Variants in IQSEC1 observed in about 807,000 individuals in gnomAD.
The protein encoded by IQSEC1 is IQ motif and Sec7 domain ArfGEF 1, also known as IQ motif and SEC7 domain-containing protein 1.
Under a neutral mutation model 91.0 loss-of-function variants are expected in IQSEC1, and 31 were observed. That is an observed-to-expected ratio of 0.34 (90% CI 0.26 to 0.46). The LOEUF (loss-of-function observed/expected upper bound fraction) is 0.46, where lower values mean the gene tolerates loss of function less well. Among genes scored for constraint, IQSEC1 ranks in the 20% least tolerant of loss-of-function variants. The pLI is 1.00. For synonymous variants in IQSEC1, 699 were observed against 662.6 expected (o/e 1.05, Z -0.84); for missense variants, 1,388 against 1,575.6 (o/e 0.88, Z 2.02).
At position 12,901,512 on chromosome 3, in the gene IQSEC1, A is replaced by T; in HGVS notation, c.2816T>A (p.Ile939Asn). ...TCTCCGGCGCATGTGAGGACTGCTA[A>T]TGATGGACCCCTAAAAAGGAAATTC... is the stretch of plus-strand genomic sequence containing the variant. ...SLESNVEGSI[I>N]SSPHMRRRAT... Residue 939 changes from isoleucine (I) to asparagine (N), a missense_variant, in exon 14 of 14, where the codon ATT becomes AAT. This residue lies in a region of IQSEC1 where 329 missense variants were observed against 257.8 expected (regional missense o/e 1.28). Transcript: ENST00000613206. 2 of 1,549,388 alleles carry T rather than the reference A, an allele frequency of 1.3e-6. No individual in the cohort carries two copies. Among genetic ancestry groups the T allele is most frequent in the Non-Finnish European group, 1.7e-6 (2 of 1,146,480 alleles).
intron 2 of IQSEC1, among the ~76,000 whole-genome samples, chr3:13,085,436 G>T (rs111806265): frequency 7.1e-4 from 108 of 152,196 alleles, no homozygotes; most frequent in African/African-American, 2.2e-3. Flanking sequence ...CCTTCAGTGC[G>T]TAGGGTCACC....
At chr3:13,041,116 G>T (rs1435682067) in intron 1 of IQSEC1, among the ~76,000 whole-genome samples, 4 of 152,096 alleles carry the variant, frequency 2.6e-5, no homozygotes, top group African/African-American at 9.7e-5. Flanking sequence ...TTTGCAGGAG[G>T]GATGAGGATG....
chr3:12,953,629 G>A (rs1274059922), intron 1 of IQSEC1, among the ~76,000 whole-genome samples: 1 of 152,228 alleles, frequency 6.6e-6, no homozygotes, highest in Non-Finnish European at 1.5e-5. Flanking sequence ...ACGGCACGAG[G>A]AGTCGGGCAG....
intron 2 of IQSEC1, among the ~76,000 whole-genome samples, chr3:13,144,861 C>T (rs749982926): frequency 2.6e-5 from 4 of 152,214 alleles, no homozygotes; most frequent in Admixed American, 2.0e-4. Context: ...CTGGAAGCAG[C>T]GCTTGGGCCG....
chr3:13,056,770 TC>T (rs1559241239), intron 1 of IQSEC1, among the ~76,000 whole-genome samples: 2 of 152,120 alleles, frequency 1.3e-5, no homozygotes, highest in African/African-American at 4.8e-5. Flanking sequence ...CCACTGGAAG[TC>T]CTTAGGATAT....
In IQSEC1 at chr3:13,216,946, G is replaced by A. The variant is rs574327046; in HGVS notation, c.273-52813C>T. On this transcript the variant is annotated intron_variant, in intron 1 of 15. Transcript: ENST00000648114. ...GGCATAGGACACAGCATATCACGAC[G>A]CAGGCAAGGTGAACACACTGCAAAA... Among the ~76,000 whole-genome samples the A allele has an allele frequency of 3.3e-5, 5 of 152,266 alleles. No homozygotes were observed. In the East Asian group the frequency reaches 7.7e-4, roughly 23 times the overall value.
intron 6 of IQSEC1, among the ~76,000 whole-genome samples, chr3:12,917,653 G>A (rs924561316): frequency 2.0e-5 from 3 of 152,134 alleles, no homozygotes; most frequent in Admixed American, 6.5e-5. Flanking sequence ...GCTCAAGGAC[G>A]TCTGGTGGTT....
intron 1 of IQSEC1, among the ~76,000 whole-genome samples, chr3:13,263,439 G>GGGGGAT (rs1553581065): frequency 9.3e-6 from 1 of 107,190 alleles, no homozygotes; most frequent in African/African-American, 3.1e-5. Flanking sequence ...GGGGGGGGGG[G>GGGGGAT]AAAGTACCTG....
chr3:13,179,774 C>G (rs919403569), intron 1 of IQSEC1, among the ~76,000 whole-genome samples: 3 of 152,238 alleles, frequency 2.0e-5, no homozygotes, highest in African/African-American at 7.2e-5. Context: ...CGGGCGGGAA[C>G]CGGGGCTATG....
rs190554004 is a variant in IQSEC1, at chr3:12,919,458, G to A, written c.2020+972C>T. Among the ~76,000 whole-genome samples the A allele has an allele frequency of 2.1e-4, 32 of 152,288 alleles. 1 individual carries two copies. Among genetic ancestry groups the A allele is most frequent in the African/African-American group, 6.0e-4 (25 of 41,564 alleles). ...TGGGTTTCCTGCCACAGCGGCACCCGCCACCAGGGGAAGGGGAGGGCACCT... is the reference window on the plus strand; with the variant it reads ...TGGGTTTCCTGCCACAGCGGCACCCACCACCAGGGGAAGGGGAGGGCACCT... On this transcript the variant is annotated intron_variant, in intron 6 of 13. Transcript: ENST00000613206.
rs913603059 is a variant in IQSEC1, at chr3:13,255,617, G to GT, written c.272+27093dup. 1.3e-3 allele frequency among the ~76,000 whole-genome samples: 168 copies of GT among 130,948 alleles called. 1 individual carries two copies. In the East Asian group the frequency reaches 0.021, roughly 16 times the overall value. The allele number at this position is 130,948 out of a possible 152,430, so 85.9% of individuals were successfully genotyped here. A position where few individuals can be genotyped will look rare whatever the true frequency, so the allele number is the denominator to read the frequency against. On this transcript the variant is annotated intron_variant, in intron 1 of 15. Coordinates refer to the IQSEC1 transcript ENST00000648114. ...GGAAAAGGGCTTACAGTGTTTTGGGGTTTTTTTTTTGTTCTTAGAGACAGG... is the reference window on the plus strand; with the variant it reads ...GGAAAAGGGCTTACAGTGTTTTGGGGTTTTTTTTTTTGTTCTTAGAGACAGG...
chr3:13,256,959 T>C (rs1470624814), intron 1 of IQSEC1, among the ~76,000 whole-genome samples: 1 of 152,180 alleles, frequency 6.6e-6, no homozygotes, highest in African/African-American at 2.4e-5. Flanking sequence ...CTCTGCCCCA[T>C]ATCCCAGCCA....
intron 1 of IQSEC1, among the ~76,000 whole-genome samples, chr3:12,977,352 G>GA (rs5846795): frequency 2.1e-3 from 309 of 145,030 alleles, no homozygotes; most frequent in African/African-American, 7.2e-3. Context: ...TGTCTCCAGG[G>GA]AAAAAAAAAA....
At chr3:13,004,807 G>A (rs1394108768) in intron 1 of IQSEC1, among the ~76,000 whole-genome samples, 2 of 152,054 alleles carry the variant, frequency 1.3e-5, no homozygotes, top group Non-Finnish European at 2.9e-5. Flanking sequence ...CCCAGCATCG[G>A]GCCAGCCACA....
intron 1 of IQSEC1, among the ~76,000 whole-genome samples, chr3:13,189,596 A>T (rs889494653): frequency 1.3e-5 from 2 of 152,216 alleles, no homozygotes; most frequent in African/African-American, 4.8e-5. Context: ...TGACAGCAGA[A>T]CATAAGTCTC....
chr3:13,039,375 A>T (rs1290865444), intron 1 of IQSEC1, among the ~76,000 whole-genome samples: 1 of 152,236 alleles, frequency 6.6e-6, no homozygotes, highest in Non-Finnish European at 1.5e-5. Context: ...AACAGCTTTG[A>T]GGGAGCCTGG....
At chr3:13,181,311 G>A (rs1693841684) in intron 1 of IQSEC1, among the ~76,000 whole-genome samples, 2 of 151,856 alleles carry the variant, frequency 1.3e-5, no homozygotes, top group South Asian at 2.1e-4. Context: ...AATATATGAA[G>A]CAAAAACTAG....
At chr3:13,052,213 C>T (rs535079404) in intron 1 of IQSEC1, among the ~76,000 whole-genome samples, 7 of 152,216 alleles carry the variant, frequency 4.6e-5, no homozygotes, top group Non-Finnish European at 8.8e-5. Context: ...CCTCTTCCCA[C>T]CAGCCCTTAT....
At chr3:13,058,027 C>T (rs752132055) in intron 1 of IQSEC1, among the ~76,000 whole-genome samples, 11 of 152,254 alleles carry the variant, frequency 7.2e-5, no homozygotes, top group Non-Finnish European at 1.5e-4. Context: ...AATCCCCATA[C>T]TTTGGGAGGC....
Sources: allele counts gnomAD v4.1 joint callset (sites outside exome capture counted in the v4.1 genomes callset), GRCh38; gene constraint gnomAD v4.1.1; regional missense constraint gnomAD v4.1.1; transcripts MANE v1.5; gene names NCBI Gene and HGNC (gene_info 2026-07-23, HGNC 2026-07-21).